The following DPP6 variants were observed in gnomAD, a reference collection of about 807,000 sequenced individuals.
The protein encoded by DPP6 is dipeptidyl peptidase like 6.
In DPP6, 69 loss-of-function variants were observed where a neutral mutation model predicts 122.6. That is an observed-to-expected ratio of 0.56 (90% CI 0.46 to 0.69). The LOEUF (loss-of-function observed/expected upper bound fraction) is 0.69, where lower values mean the gene tolerates loss of function less well. Ranked by LOEUF, DPP6 falls within the 30% of genes least tolerant of loss-of-function variation. DPP6 has a pLI of 0.00. For missense variants in DPP6, 928 were observed against 1,116.9 expected (o/e 0.83, Z 2.41); for synonymous variants, 418 against 433.1 (o/e 0.97, Z 0.43).
intron 7 of DPP6, among the ~76,000 whole-genome samples, chr7:154,712,794 T>A (rs1011966375): frequency 1.3e-4 from 20 of 152,186 alleles, no homozygotes; most frequent in Admixed American, 9.2e-4. Flanking sequence ...GGATGAGATA[T>A]GGGTGGGGAC....
At chr7:154,341,278 C>T (rs919302354) in intron 1 of DPP6, among the ~76,000 whole-genome samples, 1 of 152,092 alleles carries the variant, frequency 6.6e-6, no homozygotes, top group African/African-American at 2.4e-5. Context: ...GGTATGTCAG[C>T]GTCAGTGCAG....
chr7:154,633,824 C>G (rs1459802690), intron 5 of DPP6, among the ~76,000 whole-genome samples: 1 of 152,036 alleles, frequency 6.6e-6, no homozygotes, highest in Non-Finnish European at 1.5e-5. Context: ...CTCTTCTTCC[C>G]ACTTCCCCAT....
intron 1 of DPP6, among the ~76,000 whole-genome samples, chr7:153,917,217 C>A (rs1378206713): frequency 6.6e-6 from 1 of 152,168 alleles, no homozygotes; most frequent in Non-Finnish European, 1.5e-5. Context: ...CAGGTTTCCC[C>A]AGAGATGAGC....
chr7:154,280,587 T>C (rs554609063), intron 1 of DPP6, among the ~76,000 whole-genome samples: 62 of 140,270 alleles, frequency 4.4e-4, no homozygotes, highest in African/African-American at 1.5e-3. Context: ...AATATGACTA[T>C]TAATAATTAG....
chr7:154,494,156 C>T (rs1202344468), intron 3 of DPP6, among the ~76,000 whole-genome samples: 1 of 151,990 alleles, frequency 6.6e-6, no homozygotes, highest in Non-Finnish European at 1.5e-5. Flanking sequence ...GAGTTTGAGA[C>T]CAGTCTGGGC....
intron 5 of DPP6, among the ~76,000 whole-genome samples, chr7:154,599,292 C>T (rs1330653596): frequency 2.0e-5 from 3 of 149,076 alleles, no homozygotes; most frequent in Admixed American, 6.6e-5. Flanking sequence ...ACTGCCATTC[C>T]GTTTTAAAGT....
chr7:153,769,628 A>G, the DPP6 span, among the ~76,000 whole-genome samples: 4 of 152,198 alleles, frequency 2.6e-5, no homozygotes, highest in African/African-American at 9.6e-5. Flanking sequence ...ACTGACAAGC[A>G]TTAACTTAAA....
intron 1 of DPP6, among the ~76,000 whole-genome samples, chr7:154,187,214 A>C (rs1798392539): frequency 6.6e-6 from 1 of 152,242 alleles, no homozygotes; most frequent in African/African-American, 2.4e-5. Context: ...TCTTTAAAAA[A>C]CAGTGAGAGT....
chr7:154,840,224 G>C (rs1296591941), intron 16 of DPP6, among the ~76,000 whole-genome samples: 1 of 152,188 alleles, frequency 6.6e-6, no homozygotes, highest in African/African-American at 2.4e-5. Context: ...CTTACAGATA[G>C]CTGAGAATGG....
At chr7:154,846,381 C>A (rs1027965724) in intron 16 of DPP6, among the ~76,000 whole-genome samples, 3 of 152,096 alleles carry the variant, frequency 2.0e-5, no homozygotes, top group Admixed American at 2.0e-4. Flanking sequence ...TGAAGGCTGA[C>A]CTTTCAACCA....
intron 1 of DPP6, among the ~76,000 whole-genome samples, chr7:154,302,570 C>T (rs572327686): frequency 2.4e-4 from 36 of 152,266 alleles, no homozygotes; most frequent in Non-Finnish European, 4.7e-4. Context: ...TGGGGAGCCC[C>T]GGTGGGGCCT....
rs529279676 is a variant in DPP6 at position 154,870,574 on chromosome 7, C to A, written c.1814-2050C>A. ...TGAGCCAAGATCGCACCACTGCACT[C>A]CAGCCTTGGCAATAGAGTGAGACTT... On this transcript the variant is annotated intron_variant, in intron 18 of 25. Transcript: ENST00000377770. Among the ~76,000 whole-genome samples, 41 of 152,236 alleles carry A rather than the reference C, an allele frequency of 2.7e-4. 1 individual carries two copies. Among genetic ancestry groups the A allele is most frequent in the East Asian group, 1.9e-4 (1 of 5,176 alleles).
At chr7:154,845,047 T>C (rs1369086832) in intron 16 of DPP6, among the ~76,000 whole-genome samples, 1 of 152,208 alleles carries the variant, frequency 6.6e-6, no homozygotes, top group East Asian at 1.9e-4. Context: ...ACTCCAAGAA[T>C]GGTCTTGAGA....
intron 1 of DPP6, among the ~76,000 whole-genome samples, chr7:154,251,109 C>T (rs1247753527): frequency 5.9e-5 from 9 of 152,150 alleles, no homozygotes; most frequent in Admixed American, 2.0e-4. Flanking sequence ...TGGCTGACTG[C>T]GGGAATGCTG....
At chr7:154,775,928 C>T (rs1404991733) in intron 10 of DPP6, among the ~76,000 whole-genome samples, 1 of 152,136 alleles carries the variant, frequency 6.6e-6, no homozygotes, top group East Asian at 1.9e-4. Flanking sequence ...GGATCCCCGG[C>T]CTCCTTTACG....
At chr7:154,380,361 T>A (rs1813487604) in intron 1 of DPP6, among the ~76,000 whole-genome samples, 1 of 152,252 alleles carries the variant, frequency 6.6e-6, no homozygotes, top group Non-Finnish European at 1.5e-5. Flanking sequence ...CACACAAATG[T>A]GTACATATAT....
intron 1 of DPP6, among the ~76,000 whole-genome samples, chr7:154,337,111 A>G (rs889758553): frequency 6.6e-6 from 1 of 152,148 alleles, no homozygotes; most frequent in Non-Finnish European, 1.5e-5. Flanking sequence ...CACTCTTGCA[A>G]TTTGGTTCAT....
intron 3 of DPP6, among the ~76,000 whole-genome samples, chr7:154,539,168 A>G (rs1338304615): frequency 2.0e-5 from 3 of 152,196 alleles, no homozygotes; most frequent in African/African-American, 7.2e-5. Flanking sequence ...GCCTTCACTC[A>G]GAAAGATAGT....
intron 1 of DPP6, among the ~76,000 whole-genome samples, chr7:154,286,764 A>G (rs1207185573): frequency 2.1e-5 from 3 of 144,996 alleles, no homozygotes; most frequent in African/African-American, 7.7e-5. Flanking sequence ...CCAGTATCCC[A>G]TTGTTAACAC....
Sources: allele counts gnomAD v4.1 joint callset (sites outside exome capture counted in the v4.1 genomes callset), GRCh38; gene constraint gnomAD v4.1.1; transcripts MANE v1.5; gene names NCBI Gene and HGNC (gene_info 2026-07-23, HGNC 2026-07-21).